The following MME variants were observed in gnomAD, a reference collection of about 807,000 sequenced individuals.
The protein encoded by MME is neprilysin.
MME carries 98 observed loss-of-function variants against 113.2 expected under a neutral mutation model. The observed-to-expected ratio is 0.87, with a 90% CI of 0.74 to 1.02. MME has a LOEUF of 1.02. MME is among the 50% of genes least tolerant of loss of function. The probability of loss-of-function intolerance (pLI) is 0.00; values close to 1 mark genes in which losing one functional copy is unlikely to be tolerated. For synonymous variants in MME, 292 were observed against 300.6 expected, an observed-to-expected ratio of 0.97 and a Z score of 0.30; for missense variants, 836 against 896.0, an observed-to-expected ratio of 0.93 and a Z score of 0.86.
chr3:155,160,058 G>C (rs1245966954), intron 16 of MME, among the ~76,000 whole-genome samples: 1 of 151,938 alleles, frequency 6.6e-6, no homozygotes. Flanking sequence ...CTAGTATCAG[G>C]AACATAAAGC....
At chr3:155,126,743 T>A (rs1198765829) in intron 8 of MME, among the ~76,000 whole-genome samples, 1 of 152,088 alleles carries the variant, frequency 6.6e-6, no homozygotes, top group East Asian at 1.9e-4. Context: ...CTCATGCCTG[T>A]AATCTCTGCA....
At chr3:155,057,551 C>A (rs1414478480) in intron 1 of MME, among the ~76,000 whole-genome samples, 1 of 151,918 alleles carries the variant, frequency 6.6e-6, no homozygotes, top group East Asian at 1.9e-4. Flanking sequence ...TTTCAGACTT[C>A]TTTACTCAGC....
chr3:155,094,655 C>T (rs971077931), intron 3 of MME, among the ~76,000 whole-genome samples: 2 of 152,164 alleles, frequency 1.3e-5, no homozygotes, highest in Admixed American at 6.5e-5. Context: ...GATTTGATTG[C>T]TGTGCTCTGT....
chr3:155,045,218 T>C (rs993052081), intron 1 of MME, among the ~76,000 whole-genome samples: 1 of 152,016 alleles, frequency 6.6e-6, no homozygotes, highest in Non-Finnish European at 1.5e-5. Context: ...TGGCACGGTC[T>C]TGGCTCACTG....
chr3:155,107,648 A>G (rs1717802842), intron 3 of MME, among the ~76,000 whole-genome samples: 1 of 152,154 alleles, frequency 6.6e-6, no homozygotes, highest in South Asian at 2.1e-4. Context: ...CTGTTTGCTA[A>G]TTCACCTACT....
intron 8 of MME, among the ~76,000 whole-genome samples, chr3:155,137,404 G>C (rs1720714915): frequency 6.6e-6 from 1 of 152,084 alleles, no homozygotes; most frequent in Admixed American, 6.6e-5. Flanking sequence ...AAAGAGATTT[G>C]GTAAAGAAAT....
At chr3:155,174,141 G>C (rs2108378843) in intron 22 of MME, among the ~76,000 whole-genome samples, 1 of 152,188 alleles carries the variant, frequency 6.6e-6, no homozygotes, top group African/African-American at 2.4e-5. Flanking sequence ...ATTTCAGAAT[G>C]TTAGTAACTG....
Position 155,167,076 on chromosome 3 carries a change from TAA to T in MME, c.1780+56_1780+57del, listed in dbSNP as rs1310456855. 25 of 1,596,584 alleles carry T rather than the reference TAA, an allele frequency of 1.6e-5. 1 individual carries two copies. In the South Asian group the frequency reaches 2.2e-4, roughly 14 times the overall value. On this transcript the variant is annotated intron_variant, in intron 18 of 22. Transcript: ENST00000360490. ...TGAGGTATATGCTCATAAATTTGAT[TAA>T]GAGTTATTATAATTTATTACTACAA...
rs1472494467 is a variant in MME at position 155,180,280 on chromosome 3, A to G, written c.2154-80A>G. 4.0e-6 allele frequency: 4 copies of G among 989,580 alleles called. No homozygotes were observed. The East Asian group carries it at 9.5e-5, about 24-fold the overall frequency. 61.3% of individuals were successfully genotyped at this position (989,580 alleles called of 1,614,324 possible). On this transcript the variant is annotated intron_variant, in intron 22 of 22. Coordinates refer to ENST00000360490, the MANE Select transcript of MME (RefSeq NM_007289.4). ...CCAAATTCATTCACTTGACCTGCAG[A>G]GGGAAATGCTTCAGGGCTCCAGTGT...
At chr3:155,038,694 A>G (rs537738341) in intron 1 of MME, among the ~76,000 whole-genome samples, 73 of 152,252 alleles carry the variant, frequency 4.8e-4, no homozygotes, top group African/African-American at 1.5e-3. Flanking sequence ...ACTATGCACA[A>G]ACTTCTTTTT....
At chr3:155,087,989 A>T (rs1437732213) in intron 3 of MME, among the ~76,000 whole-genome samples, 1 of 152,210 alleles carries the variant, frequency 6.6e-6, no homozygotes, top group African/African-American at 2.4e-5. Flanking sequence ...AACACCTTGC[A>T]GGATGTATCT....
At chr3:155,061,295 C>CA (rs1213339149) in intron 1 of MME, among the ~76,000 whole-genome samples, 13 of 151,666 alleles carry the variant, frequency 8.6e-5, no homozygotes, top group Admixed American at 7.9e-4. Flanking sequence ...ACTAAAAATA[C>CA]AAAAAATTAG....
chr3:155,179,647 G>A (rs535561477), intron 22 of MME, among the ~76,000 whole-genome samples: 55 of 152,262 alleles, frequency 3.6e-4, no homozygotes, highest in African/African-American at 1.3e-3. Flanking sequence ...CAGGGTGGGT[G>A]TGAAAACATC....
intron 8 of MME, among the ~76,000 whole-genome samples, chr3:155,126,156 A>C (rs1018160663): frequency 6.6e-6 from 1 of 152,184 alleles, no homozygotes; most frequent in Non-Finnish European, 1.5e-5. Context: ...AGTACAATCT[A>C]GTTGCTGTGT....
chr3:155,069,943 A>G (rs1215252467), intron 1 of MME, among the ~76,000 whole-genome samples: 2 of 152,158 alleles, frequency 1.3e-5, no homozygotes, highest in African/African-American at 4.8e-5. Flanking sequence ...GCAACAGGAA[A>G]TGGGTATGAC....
At chr3:155,096,619 T>C (rs1716766555) in intron 3 of MME, among the ~76,000 whole-genome samples, 1 of 152,188 alleles carries the variant, frequency 6.6e-6, no homozygotes, top group Non-Finnish European at 1.5e-5. Context: ...AAATAAAGAA[T>C]GGCTGTGGGC....
intron 1 of MME, among the ~76,000 whole-genome samples, chr3:155,026,774 A>C (rs1165479611): frequency 6.6e-6 from 1 of 152,136 alleles, no homozygotes; most frequent in Non-Finnish European, 1.5e-5. Flanking sequence ...GAAGCCTCTT[A>C]AGTAATACCC....
intron 22 of MME, among the ~76,000 whole-genome samples, chr3:155,179,480 C>T (rs969763799): frequency 3.9e-5 from 6 of 152,118 alleles, no homozygotes; most frequent in Admixed American, 2.6e-4. Context: ...ACACCTGCCA[C>T]GTAGGGAGAA....
chr3:155,127,022 AAAAG>A (rs1319881091), intron 8 of MME, among the ~76,000 whole-genome samples: 2 of 151,908 alleles, frequency 1.3e-5, no homozygotes, highest in Non-Finnish European at 2.9e-5. Flanking sequence ...AAAAAAAAAA[AAAAG>A]AAAGGGCATT....
Sources: gnomAD v4.1 joint callset for allele counts (sites outside exome capture counted in the v4.1 genomes callset) on GRCh38, gnomAD v4.1.1 for gene constraint, MANE v1.5 for transcripts, NCBI Gene and HGNC (gene_info 2026-07-23, HGNC 2026-07-21) for gene names.